The following ANKFN1 variants were observed in gnomAD, a reference collection of about 807,000 sequenced individuals.
ANKFN1 encodes the protein ankyrin repeat and fibronectin type III domain containing 1, also known as ankyrin repeat and fibronectin type-III domain-containing protein 1.
In ANKFN1, 74 loss-of-function variants were observed where a neutral mutation model predicts 108.7. That is an observed-to-expected ratio of 0.68 (90% CI 0.56 to 0.83). The LOEUF is 0.83. Among genes scored for constraint, ANKFN1 ranks in the 40% least tolerant of loss-of-function variants. ANKFN1 has a pLI of 0.00. For missense variants in ANKFN1, 1,505 were observed against 1,382.3 expected (o/e 1.09, Z -1.41); for synonymous variants, 547 against 516.2 (o/e 1.06, Z -0.81).
chr17:56,153,592 A>T, intron 1 of ANKFN1, 62 bp downstream of exon 1: 1 of 1,596,704 alleles, frequency 6.3e-7, no homozygotes. Context: ...TTTTGCATTC[A>T]ACAGGCAGGA....
intron 3 of ANKFN1, among the ~76,000 whole-genome samples, chr17:56,294,092 G>A (rs904926370): frequency 4.6e-5 from 7 of 152,156 alleles, no homozygotes; most frequent in African/African-American, 9.7e-5. Flanking sequence ...CTCCATCACC[G>A]TGAGACCTTG....
Position 56,326,201 on chromosome 17 carries a change from G to C in ANKFN1, c.54-20G>C. 1 of 1,600,022 alleles carries C rather than the reference G, an allele frequency of 6.2e-7. No homozygotes were observed. Among genetic ancestry groups the C allele is most frequent in the Non-Finnish European group, 8.5e-7 (1 of 1,174,304 alleles). On this transcript the variant is annotated intron_variant, in intron 3 of 20. Transcript: ENST00000682825. ...GCTCTTGCCTGTAGTGATCCTGTTC[G>C]CATTTTATTCTTTACACAGAATAGG...
At chr17:56,248,370 A>T (rs1567862372) in intron 3 of ANKFN1, among the ~76,000 whole-genome samples, 1 of 152,146 alleles carries the variant, frequency 6.6e-6, no homozygotes, top group Non-Finnish European at 1.5e-5. Context: ...CTGTTGTCTC[A>T]TGTTCCCCCA....
At position 56,170,632 on chromosome 17, in the gene ANKFN1, G is replaced by A. The variant is rs539633124; in HGVS notation, c.-71+17102G>A. Among the ~76,000 whole-genome samples, 38 of 150,944 alleles carry A rather than the reference G, an allele frequency of 2.5e-4. No homozygotes were observed. In the South Asian group the frequency reaches 3.6e-3, roughly 14 times the overall value. On this transcript the variant is annotated intron_variant, in intron 1 of 20. Coordinates refer to ENST00000682825, the MANE Select transcript of ANKFN1 (RefSeq NM_001370326.1). The stretch of plus-strand genomic sequence containing the variant: ...ACAAAAATTAGCCATGCATGGTGGC[G>A]CGTGCCCATAGTCTCAGCCACTTGG...
rs1191424991 is a variant in ANKFN1 at position 56,099,347 on chromosome 17, A to G, written c.288+53022A>G. ...AACATATCTGAAAAATCTCAGGTGA[A>G]TAGAATGCTGATTTTAGACTGGGAG... On this transcript the variant is annotated intron_variant, in intron 4 of 12. Coordinates refer to the ANKFN1 transcript ENST00000635860. Among the ~76,000 whole-genome samples, 3 of 152,196 alleles carry G rather than the reference A, an allele frequency of 2.0e-5. No homozygotes were observed. In the East Asian group the frequency reaches 5.8e-4, roughly 29 times the overall value.
At chr17:56,328,785 A>AG (rs2045588388) in intron 4 of ANKFN1, among the ~76,000 whole-genome samples, 4 of 151,238 alleles carry the variant, frequency 2.6e-5, no homozygotes, top group African/African-American at 9.8e-5. Flanking sequence ...TTAAAAAAAA[A>AG]AGGGGGGGCA....
At chr17:56,258,293 G>A (rs2043409484) in intron 3 of ANKFN1, 1 of 152,112 alleles carries the variant, frequency 6.6e-6, no homozygotes, top group South Asian at 2.1e-4. Flanking sequence ...CTCTACTCTA[G>A]CTTAAAAATT....
At chr17:56,470,634 T>G (rs2050284976) in intron 15 of ANKFN1, among the ~76,000 whole-genome samples, 1 of 152,176 alleles carries the variant, frequency 6.6e-6, no homozygotes, top group Non-Finnish European at 1.5e-5. Context: ...TGTACAAAAG[T>G]TATGATCCAC....
intron 4 of ANKFN1, among the ~76,000 whole-genome samples, chr17:56,075,064 T>A (rs9899286): frequency 0.027 from 4,120 of 152,254 alleles, 181 homozygotes; most frequent in African/African-American, 0.093. Flanking sequence ...CTCAAGGTCA[T>A]TAAGCTAGCA....
rs185762197 is a variant in ANKFN1, at chr17:56,096,205, T to A, written c.288+49880T>A. ...GAGCTACGTTTCCACAGGGCATAGC[T>A]CTTCCCACACCAGCCAGAGGCCAGG... is the stretch of plus-strand genomic sequence containing the variant. On this transcript the variant is annotated intron_variant, in intron 4 of 12. Coordinates refer to the ANKFN1 transcript ENST00000635860. Among the ~76,000 whole-genome samples, 431 of 152,280 alleles carry A rather than the reference T, an allele frequency of 2.8e-3. 1 individual carries two copies. The highest frequency in any genetic ancestry group is 9.9e-3 in the African/African-American group (411 of 41,544).
chr17:56,426,775 C>G (rs1398218371), intron 8 of ANKFN1, among the ~76,000 whole-genome samples: 1 of 152,146 alleles, frequency 6.6e-6, no homozygotes, highest in Non-Finnish European at 1.5e-5. Context: ...TCTGCTGAAG[C>G]CTACTTGAGA....
At chr17:56,165,487 C>A (rs187397634) in intron 1 of ANKFN1, among the ~76,000 whole-genome samples, 14 of 152,284 alleles carry the variant, frequency 9.2e-5, no homozygotes, top group Admixed American at 7.8e-4. Context: ...TAAATGTTGT[C>A]TAGGTAACAT....
chr17:56,321,144 A>T (rs2045355339), intron 3 of ANKFN1, among the ~76,000 whole-genome samples: 1 of 151,578 alleles, frequency 6.6e-6, no homozygotes, highest in Non-Finnish European at 1.5e-5. Flanking sequence ...TTTGGGGATT[A>T]GAAATTGAGA....
chr17:56,464,303 A>G (rs1265690604), intron 14 of ANKFN1, among the ~76,000 whole-genome samples: 1 of 152,186 alleles, frequency 6.6e-6, no homozygotes, highest in Non-Finnish European at 1.5e-5. Context: ...ACCGTAGTCA[A>G]TGTCTACCCA....
chr17:56,238,666 A>G (rs1837125373), intron 3 of ANKFN1, among the ~76,000 whole-genome samples: 1 of 152,098 alleles, frequency 6.6e-6, no homozygotes, highest in Admixed American at 6.6e-5. Context: ...TTTTGAGCCT[A>G]TGGGTGTCAT....
chr17:56,213,296 G>T (rs1232822814), intron 2 of ANKFN1, among the ~76,000 whole-genome samples: 1 of 152,168 alleles, frequency 6.6e-6, no homozygotes, highest in Non-Finnish European at 1.5e-5. Context: ...CCCCTGACTT[G>T]CAGCATTAAC....
intron 4 of ANKFN1, among the ~76,000 whole-genome samples, chr17:56,105,862 T>C (rs1286327022): frequency 6.6e-6 from 1 of 151,736 alleles, no homozygotes; most frequent in African/African-American, 2.4e-5. Context: ...TTTCTGATTG[T>C]CACCATTGGG....
intron 3 of ANKFN1, among the ~76,000 whole-genome samples, chr17:56,268,023 G>C (rs2043699121): frequency 6.6e-6 from 1 of 151,992 alleles, no homozygotes; most frequent in Admixed American, 6.6e-5. Context: ...CTGTCCATGA[G>C]CATGGAATGA....
At chr17:56,150,339 G>A (rs1411223836), upstream of ANKFN1, among the ~76,000 whole-genome samples, 1 of 152,116 alleles carries the variant, frequency 6.6e-6, no homozygotes, top group Admixed American at 6.5e-5. Context: ...GCAGTCCTGG[G>A]TCAGAACCCC....
Sources: allele counts gnomAD v4.1 joint callset (sites outside exome capture counted in the v4.1 genomes callset), GRCh38; gene constraint gnomAD v4.1.1; transcripts MANE v1.5; gene names NCBI Gene and HGNC (gene_info 2026-07-23, HGNC 2026-07-21).